Variants in PAPPA2 observed in about 807,000 individuals in gnomAD.
PAPPA2 encodes the protein pappalysin 2.
Under a neutral mutation model 176.4 loss-of-function variants are expected in PAPPA2, and 86 were observed. That is an observed-to-expected ratio of 0.49 (90% CI 0.41 to 0.58). PAPPA2 has a LOEUF of 0.58. Ranked by LOEUF, PAPPA2 falls within the 20% of genes least tolerant of loss-of-function variation. The pLI is 0.00. For synonymous variants in PAPPA2, 809 were observed against 852.2 expected (o/e 0.95, Z 0.88); for missense variants, 2,073 against 2,256.9 (o/e 0.92, Z 1.65).
In PAPPA2 at chr1:176,671,100, G is replaced by A. The variant is rs1187455417; in HGVS notation, c.2122G>A (p.Ala708Thr). The change falls in exon 4 of 23, where the codon GCT (alanine) becomes ACT (threonine). Residue 708 changes from alanine to threonine, a missense_variant. Coordinates refer to ENST00000367662, the MANE Select transcript of PAPPA2 (RefSeq NM_020318.3). Reference sequence around the variant, plus strand: ...TGCCACCTGGCCTTGGGACAAGGACGCTGTCACTCACCTGGGTAAGTGAAA... The same window carrying A: ...TGCCACCTGGCCTTGGGACAAGGACACTGTCACTCACCTGGGTAAGTGAAA... ...GAATWPWDKD[A>T]VTHLGGIVLS... 11 of 1,613,838 alleles carry A rather than the reference G, an allele frequency of 6.8e-6. No individual in the cohort carries two copies. The highest frequency in any genetic ancestry group is 2.2e-5 in the South Asian group (2 of 91,080).
At position 176,710,147 on chromosome 1, in the gene PAPPA2, T is replaced by C. The variant is rs746160355; in HGVS notation, c.3622T>C (p.Ser1208Pro). 6.2e-7 allele frequency: 1 copy of C among 1,613,634 alleles called. No individual in the cohort carries two copies. The highest frequency in any genetic ancestry group is 1.3e-5 in the African/African-American group (1 of 75,004). ...TGAAGACAAGAAGAAGTGTCCTGTT[T>C]CCTTGGTAACTGGAGAACCTCATTC... ...SHEDKKKCPV[S>P]LVTGEPHSLI... The change falls in exon 11 of 23, where the codon TCC (serine) becomes CCC (proline). Residue 1208 changes from serine to proline, a missense_variant. This residue lies in a region of PAPPA2 where 846 missense variants were observed against 857.9 expected (regional missense o/e 0.99). Coordinates refer to ENST00000367662, the MANE Select transcript of PAPPA2 (RefSeq NM_020318.3).
chr1:176,678,825 T>G (rs1453631399), intron 4 of PAPPA2, among the ~76,000 whole-genome samples: 2 of 151,876 alleles, frequency 1.3e-5, no homozygotes, highest in African/African-American at 4.8e-5. Context: ...TAAAATCCAG[T>G]AAAAGGAGGA....
chr1:176,716,849 G>A (rs184750659), intron 12 of PAPPA2, among the ~76,000 whole-genome samples: 2,428 of 151,858 alleles, frequency 0.016, 45 homozygotes, highest in Non-Finnish European at 0.027. Flanking sequence ...CTGACCTCGT[G>A]ATCCGCCCAT....
At chr1:176,753,213 A>G (rs1014551552) in intron 14 of PAPPA2, among the ~76,000 whole-genome samples, 2 of 152,212 alleles carry the variant, frequency 1.3e-5, no homozygotes, top group Non-Finnish European at 2.9e-5. Context: ...TCTGAGCCCC[A>G]GTCAAGGGAG....
At chr1:176,728,639 A>G (rs1251430756) in intron 12 of PAPPA2, among the ~76,000 whole-genome samples, 2 of 151,940 alleles carry the variant, frequency 1.3e-5, no homozygotes, top group Non-Finnish European at 2.9e-5. Flanking sequence ...CAAGATATTC[A>G]AAAGAATTAT....
chr1:176,775,967 G>T (rs1042951235), intron 17 of PAPPA2, among the ~76,000 whole-genome samples: 1 of 152,174 alleles, frequency 6.6e-6, no homozygotes, highest in Non-Finnish European at 1.5e-5. Context: ...CAAGGAGGTT[G>T]TAAAGTATAT....
intron 8 of PAPPA2, among the ~76,000 whole-genome samples, chr1:176,701,632 G>T (rs1007661478): frequency 2.4e-4 from 37 of 152,294 alleles, no homozygotes; most frequent in African/African-American, 8.9e-4. Context: ...TGCTGCATCA[G>T]CTGAGGGAGT....
At chr1:176,821,686 C>T (rs757576871) in intron 21 of PAPPA2, among the ~76,000 whole-genome samples, 1 of 152,152 alleles carries the variant, frequency 6.6e-6, no homozygotes, top group Non-Finnish European at 1.5e-5. Flanking sequence ...CATGCTCATG[C>T]ATTTCCAACT....
At chr1:176,520,582 G>A (rs1265832638) in intron 1 of PAPPA2, among the ~76,000 whole-genome samples, 1 of 152,210 alleles carries the variant, frequency 6.6e-6, no homozygotes, top group Non-Finnish European at 1.5e-5. Flanking sequence ...GGAATGTGCA[G>A]ATCTTTCTGA....
intron 1 of PAPPA2, among the ~76,000 whole-genome samples, chr1:176,525,656 A>G (rs1649461839): frequency 6.6e-6 from 1 of 152,172 alleles, no homozygotes; most frequent in African/African-American, 2.4e-5. Flanking sequence ...CACTACCTTA[A>G]TCTTTAAAAT....
In PAPPA2 at chr1:176,594,825, C is replaced by T; in HGVS notation, c.1221C>T (p.Leu407=). The change falls in exon 3 of 23, where the codon CTC becomes CTT. Residue 407 remains leucine, a synonymous_variant. Transcript: ENST00000367662. ...TCATGGCATCTTGCCGCTCTTTGCT[C>T]CTGGGGGGAGACAGCTCTGAGGATG... The part of the protein sequence containing the change: ...SPFMASCRSL[L]LGGDSSEDGH... The T allele has an allele frequency of 1.9e-6, 3 of 1,614,210 alleles. No homozygotes were observed. Among genetic ancestry groups the T allele is most frequent in the East Asian group, 2.2e-5 (1 of 44,872 alleles).
At chr1:176,536,608 C>A (rs1425818182) in intron 1 of PAPPA2, among the ~76,000 whole-genome samples, 1 of 152,204 alleles carries the variant, frequency 6.6e-6, no homozygotes, top group East Asian at 1.9e-4. Flanking sequence ...CTGGGATGAC[C>A]AGGAGCACTC....
chr1:176,666,874 A>T (rs1658693050), intron 3 of PAPPA2, among the ~76,000 whole-genome samples: 1 of 152,180 alleles, frequency 6.6e-6, no homozygotes, highest in South Asian at 2.1e-4. Flanking sequence ...AAACAAATAC[A>T]TCTGAATAAG....
chr1:176,734,704 T>C (rs531333949), intron 12 of PAPPA2, among the ~76,000 whole-genome samples: 1 of 152,080 alleles, frequency 6.6e-6, no homozygotes, highest in African/African-American at 2.4e-5. Flanking sequence ...ATTTCAGAAG[T>C]CCACACAGAT....
At chr1:176,739,517 C>A in intron 12 of PAPPA2, 109 bp from the exon 13 acceptor site, 1 of 1,224,870 alleles carries the variant, frequency 8.2e-7, no homozygotes, top group East Asian at 2.4e-5. Flanking sequence ...AAAATGGAAG[C>A]TCTTACTTTA....
intron 1 of PAPPA2, among the ~76,000 whole-genome samples, chr1:176,555,018 A>G (rs1573033103): frequency 6.6e-6 from 1 of 151,204 alleles, no homozygotes; most frequent in Non-Finnish European, 1.5e-5. Context: ...AGAGAGAGAG[A>G]GAGAGGGAGA....
At chr1:176,836,335 C>T (rs1416454402) in intron 21 of PAPPA2, among the ~76,000 whole-genome samples, 1 of 152,118 alleles carries the variant, frequency 6.6e-6, no homozygotes, top group Admixed American at 6.5e-5. Context: ...AAACACTCAT[C>T]AAGATAATAA....
rs566646580 is a variant in PAPPA2 at position 176,474,452 on chromosome 1, A to C, written c.-917+11034A>C. Among the ~76,000 whole-genome samples the C allele has an allele frequency of 4.6e-5, 7 of 152,340 alleles. No homozygotes were observed. In the South Asian group the frequency reaches 1.2e-3, roughly 27 times the overall value. On this transcript the variant is annotated intron_variant, in intron 1 of 22. Transcript: ENST00000367662. ...TAACGGCAAGAGGGCAGGGAAATGTAGGAAATGAGCTGGATGTTTTGGTGA... is the reference window on the plus strand; with the variant it reads ...TAACGGCAAGAGGGCAGGGAAATGTCGGAAATGAGCTGGATGTTTTGGTGA...
chr1:176,722,699 C>CT (rs1325140045), intron 12 of PAPPA2, among the ~76,000 whole-genome samples: 9 of 152,072 alleles, frequency 5.9e-5, no homozygotes, highest in African/African-American at 1.9e-4. Flanking sequence ...TCAATGTGTT[C>CT]TTTTTTATAT....
Sources: allele counts gnomAD v4.1 joint callset (sites outside exome capture counted in the v4.1 genomes callset), GRCh38; gene constraint gnomAD v4.1.1; regional missense constraint gnomAD v4.1.1; transcripts MANE v1.5; gene names NCBI Gene and HGNC (gene_info 2026-07-23, HGNC 2026-07-21).